LRCH1: variants seen among roughly 807,000 people sequenced by gnomAD.
The protein encoded by LRCH1 is leucine-rich repeat and calponin homology domain-containing protein 1.
A neutral mutation model predicts 94.9 loss-of-function variants in LRCH1; 23 were observed. The observed-to-expected ratio is 0.24, with a 90% CI of 0.17 to 0.34. LRCH1 has a LOEUF of 0.34. Among genes scored for constraint, LRCH1 ranks in the 10% least tolerant of loss-of-function variants. The pLI is 1.00. For missense variants in LRCH1, 790 were observed against 945.9 expected, an observed-to-expected ratio of 0.84 and a Z score of 2.16; for synonymous variants, 364 against 354.9, an observed-to-expected ratio of 1.03 and a Z score of -0.29.
At chr13:46,669,513 A>G (rs1195890426) in intron 3 of LRCH1, among the ~76,000 whole-genome samples, 1 of 152,230 alleles carries the variant, frequency 6.6e-6, no homozygotes, top group Non-Finnish European at 1.5e-5. Flanking sequence ...TTAGTAGGCC[A>G]CACTTCATGA....
At chr13:46,751,876 G>C (rs1338241698) in exon 19 of LRCH1, 1 of 152,244 alleles carries the variant, frequency 6.6e-6, no homozygotes, top group Non-Finnish European at 1.5e-5. Context: ...TTTTAAAAGA[G>C]GAAATGATTC....
chr13:46,653,288 TCTC>T (rs936604038), intron 2 of LRCH1, among the ~76,000 whole-genome samples: 38 of 152,210 alleles, frequency 2.5e-4, no homozygotes, highest in African/African-American at 8.7e-4. Context: ...TTTGCCCACT[TCTC>T]CTACTTTTAA....
intron 1 of LRCH1, among the ~76,000 whole-genome samples, chr13:46,616,960 A>G (rs1293481922): frequency 6.6e-6 from 1 of 152,254 alleles, no homozygotes; most frequent in Non-Finnish European, 1.5e-5. Context: ...GGGGGAGATT[A>G]CAAAGTACAT....
chr13:46,698,580 C>T lies in LRCH1; in HGVS notation c.1246-756C>T, dbSNP rs564730282. Among the ~76,000 whole-genome samples the T allele has an allele frequency of 3.3e-5, 5 of 152,328 alleles. No homozygotes were observed. The East Asian group carries it at 9.6e-4, about 29-fold the overall frequency. On this transcript the variant is annotated intron_variant, in intron 9 of 19. Coordinates refer to ENST00000389797, the MANE Select transcript of LRCH1 (RefSeq NM_001164211.2). ...TACACTTTCTCTTTTCCCCACTACA[C>T]ACATATGCGTGCACACTCACACTTA... is the stretch of plus-strand genomic sequence containing the variant.
At position 46,643,067 on chromosome 13, in the gene LRCH1, C is replaced by A. The variant is rs78794709; in HGVS notation, c.308-7134C>A. On this transcript the variant is annotated intron_variant, in intron 1 of 19. Coordinates refer to ENST00000389797, the MANE Select transcript of LRCH1 (RefSeq NM_001164211.2). ...ACAAAGACATACACAAATTCTTTAT[C>A]TGCATGTATCTCTAGCTTTTAAAAG... Among the ~76,000 whole-genome samples the A allele has an allele frequency of 3.3e-3, 496 of 152,336 alleles. 19 individuals carry two copies. In the East Asian group the frequency reaches 0.087, roughly 27 times the overall value.
At chr13:46,579,009 T>G (rs540168372) in intron 1 of LRCH1, among the ~76,000 whole-genome samples, 5 of 152,222 alleles carry the variant, frequency 3.3e-5, no homozygotes, top group African/African-American at 9.6e-5. Context: ...ATGAAGAACA[T>G]TGGGCTGTTT....
intron 8 of LRCH1, 107 bp from the exon 9 acceptor site, chr13:46,694,786 G>C: frequency 8.2e-7 from 1 of 1,219,422 alleles, no homozygotes. Context: ...CTTCTTCATA[G>C]GGAACACAGA....
chr13:46,685,701 T>C (rs1368172843), intron 4 of LRCH1, among the ~76,000 whole-genome samples: 1 of 152,240 alleles, frequency 6.6e-6, no homozygotes, highest in Non-Finnish European at 1.5e-5. Context: ...TTTAAAACTT[T>C]GGGGCATGCA....
chr13:46,575,380 T>C (rs2050292040), intron 1 of LRCH1, among the ~76,000 whole-genome samples: 1 of 152,198 alleles, frequency 6.6e-6, no homozygotes, highest in African/African-American at 2.4e-5. Flanking sequence ...GAGCTCTTAC[T>C]GCAACCTTGT....
intron 2 of LRCH1, among the ~76,000 whole-genome samples, chr13:46,665,875 T>A (rs2051508416): frequency 6.6e-6 from 1 of 152,200 alleles, no homozygotes; most frequent in Non-Finnish European, 1.5e-5. Flanking sequence ...TTCAAAAAGC[T>A]GAGGCTGCTG....
chr13:46,585,497 G>A lies in LRCH1; in HGVS notation c.307+31794G>A, dbSNP rs531465200. 4.1e-5 allele frequency among the ~76,000 whole-genome samples: 6 copies of A among 147,702 alleles called. 1 individual carries two copies. Among genetic ancestry groups the A allele is most frequent in the African/African-American group, 1.5e-4 (6 of 39,520 alleles). On this transcript the variant is annotated intron_variant, in intron 1 of 19. Transcript: ENST00000389797. Reference sequence around the variant, plus strand: ...GAATCTGGGAGGCGGAGCTTTCAGTGAGCAGAGATCATGCCACTGCACTCC... The same window carrying A: ...GAATCTGGGAGGCGGAGCTTTCAGTAAGCAGAGATCATGCCACTGCACTCC...
chr13:46,752,901 C>A (rs1462785081), exon 19 of LRCH1: 1 of 151,988 alleles, frequency 6.6e-6, no homozygotes, highest in Non-Finnish European at 1.5e-5. Context: ...GCTAAGACGT[C>A]TTCAAGATCC....
In LRCH1 at chr13:46,558,572, C is replaced by CAAAAAAAAAAAAAAAAAAAAAAAAA. The variant is rs575874794; in HGVS notation, c.307+4871_307+4895dup. Among the ~76,000 whole-genome samples the CAAAAAAAAAAAAAAAAAAAAAAAAA allele has an allele frequency of 2.3e-3, 80 of 34,394 alleles. 12 individuals carry two copies. The highest frequency in any genetic ancestry group is 3.8e-3 in the Non-Finnish European group (65 of 17,004). 22.6% of individuals were successfully genotyped at this position (34,394 alleles called of 152,430 possible). On this transcript the variant is annotated intron_variant, in intron 1 of 19. Transcript: ENST00000389797. ...CCAAGACGGTGAAACCCTGTGTCTACAAAAAAAAAAAAAAAAAAAAAAAAA... is the reference window on the plus strand; with the variant it reads ...CCAAGACGGTGAAACCCTGTGTCTACAAAAAAAAAAAAAAAAAAAAAAAAAAAAAAAAAAAAAAAAAAAAAAAAAA...
At chr13:46,684,225 T>G (rs1870486293) in intron 4 of LRCH1, among the ~76,000 whole-genome samples, 1 of 141,288 alleles carries the variant, frequency 7.1e-6, no homozygotes. Context: ...CTTTTTTTTC[T>G]TACTCCCTTT....
chr13:46,617,102 C>G (rs983803884), intron 1 of LRCH1, among the ~76,000 whole-genome samples: 1 of 152,154 alleles, frequency 6.6e-6, no homozygotes, highest in African/African-American at 2.4e-5. Context: ...ACAGGGGATG[C>G]GATGGCTTGG....
At chr13:46,722,540 G>A (rs564399943) in intron 16 of LRCH1, among the ~76,000 whole-genome samples, 20 of 152,262 alleles carry the variant, frequency 1.3e-4, no homozygotes, top group African/African-American at 4.8e-4. Context: ...CATTTCAGAG[G>A]ATGCCCCGCT....
Position 46,728,882 on chromosome 13 carries a change from A to G in LRCH1, c.1905A>G (p.Glu635=). Residue 635 remains glutamate (E), a synonymous_variant, in exon 18 of 20, where the codon GAA becomes GAG. Coordinates refer to ENST00000389797, the MANE Select transcript of LRCH1 (RefSeq NM_001164211.2). ...TGAGATTGAAGGTCAGTCTACACGA[A>G]GACCTGGGGGCAGCCCTCATGGATG... ...IEMRLKVSLH[E]DLGAALMDGV... 6.2e-7 allele frequency: 1 copy of G among 1,612,554 alleles called. No homozygotes were observed. The highest frequency in any genetic ancestry group is 8.5e-7 in the Non-Finnish European group (1 of 1,179,166).
intron 1 of LRCH1, among the ~76,000 whole-genome samples, chr13:46,578,364 T>C (rs975928501): frequency 6.6e-6 from 1 of 152,192 alleles, no homozygotes; most frequent in Admixed American, 6.5e-5. Flanking sequence ...TGCCACCTTA[T>C]ATAAACATTG....
chr13:46,671,488 T>C (rs1422213501), intron 3 of LRCH1, among the ~76,000 whole-genome samples: 1 of 152,146 alleles, frequency 6.6e-6, no homozygotes. Flanking sequence ...TGGGGCAGAT[T>C]GTGAAGACCG....
Sources: gnomAD v4.1 joint callset for allele counts (sites outside exome capture counted in the v4.1 genomes callset) on GRCh38, gnomAD v4.1.1 for gene constraint, MANE v1.5 for transcripts, NCBI Gene and HGNC (gene_info 2026-07-23, HGNC 2026-07-21) for gene names.